TTLL7: variants seen among roughly 807,000 people sequenced by gnomAD.
TTLL7 encodes tubulin polyglutamylase TTLL7.
A neutral mutation model predicts 120.2 loss-of-function variants in TTLL7; 53 were observed. That is an observed-to-expected ratio of 0.44 (90% confidence interval 0.35 to 0.55). TTLL7 has a LOEUF of 0.55. TTLL7 is among the 20% of genes least tolerant of loss of function. The pLI, the probability that TTLL7 is intolerant of heterozygous loss-of-function variation, is 0.00. For missense variants in TTLL7, 803 were observed against 1,054.7 expected, an observed-to-expected ratio of 0.76 and a Z score of 3.31; for synonymous variants, 353 against 351.7, an observed-to-expected ratio of 1.00 and a Z score of -0.04.
At chr1:83,972,562 G>T (rs1311294161) in intron 1 of TTLL7, among the ~76,000 whole-genome samples, 2 of 152,094 alleles carry the variant, frequency 1.3e-5, no homozygotes, top group African/African-American at 2.4e-5. Context: ...ACATCCATAT[G>T]CAGGTCTGGG....
At chr1:83,948,408 G>C (rs568872188) in intron 5 of TTLL7, among the ~76,000 whole-genome samples, 1 of 152,262 alleles carries the variant, frequency 6.6e-6, no homozygotes, top group South Asian at 2.1e-4. Flanking sequence ...CAATTTGCTT[G>C]AGCTTGTGCA....
chr1:83,903,460 C>A (rs78063855), intron 18 of TTLL7, among the ~76,000 whole-genome samples: 6,265 of 151,956 alleles, frequency 0.041, 154 homozygotes, highest in Middle Eastern at 0.099. Context: ...ACAGTCATCC[C>A]TCTCCACCTG....
intron 12 of TTLL7, among the ~76,000 whole-genome samples, chr1:83,920,342 G>C (rs939393302): frequency 1.3e-5 from 2 of 152,064 alleles, no homozygotes; most frequent in African/African-American, 2.4e-5. Context: ...GATACTGCAG[G>C]AGTGTTTTTA....
At chr1:83,881,330 G>T (rs1213548796) in intron 20 of TTLL7, among the ~76,000 whole-genome samples, 1 of 149,698 alleles carries the variant, frequency 6.7e-6, no homozygotes, top group Non-Finnish European at 1.5e-5. Context: ...GAAAATTTTC[G>T]CAACCTACTC....
At chr1:83,880,194 T>C (rs1387912610) in intron 20 of TTLL7, 1 of 152,036 alleles carries the variant, frequency 6.6e-6, no homozygotes, top group Non-Finnish European at 1.5e-5. Context: ...ATAATTTGCT[T>C]CAGTGAAACC....
intron 5 of TTLL7, among the ~76,000 whole-genome samples, chr1:83,948,387 T>C (rs1347368867): frequency 6.6e-6 from 1 of 152,190 alleles, no homozygotes; most frequent in African/African-American, 2.4e-5. Context: ...CTGATCCACC[T>C]CTGCTATTAA....
chr1:83,907,502 C>T lies in TTLL7; in HGVS notation c.1946G>A (p.Arg649Lys), dbSNP rs778766626. Residue 649 changes from arginine (R) to lysine (K), a missense_variant, in exon 16 of 21, where the codon AGG (arginine) becomes AAG (lysine). This residue lies in a region of TTLL7 where 388 missense variants were observed against 450.4 expected (regional missense o/e 0.86). Transcript: ENST00000260505. Reference sequence around the variant, plus strand: ...GGCATCATTACTGTGAGGCAGATGCCTCATGTAGGAGGAAGCACGGTTTAA... The same window carrying T: ...GGCATCATTACTGTGAGGCAGATGCTTCATGTAGGAGGAAGCACGGTTTAA... ...HSLNRASSYM[R>K]HLPHSNDACS... 2 of 1,613,076 alleles carry T rather than the reference C, an allele frequency of 1.2e-6. No homozygotes were observed. The highest frequency in any genetic ancestry group is 1.7e-6 in the Non-Finnish European group (2 of 1,179,370).
intron 1 of TTLL7, among the ~76,000 whole-genome samples, chr1:83,965,902 A>C (rs1270708587): frequency 6.6e-6 from 1 of 152,112 alleles, no homozygotes; most frequent in Non-Finnish European, 1.5e-5. Flanking sequence ...ATTGGTGAGA[A>C]TGCTAACATC....
At chr1:83,986,745 C>T (rs1019549472) in intron 1 of TTLL7, among the ~76,000 whole-genome samples, 4 of 152,146 alleles carry the variant, frequency 2.6e-5, no homozygotes, top group Non-Finnish European at 5.9e-5. Context: ...GAGGCTGAGA[C>T]AGCAGAATTG....
At chr1:83,917,735 T>C (rs1413033452) in intron 13 of TTLL7, 45 bp from the exon 14 acceptor site, 5 of 1,334,706 alleles carry the variant, frequency 3.7e-6, no homozygotes, top group East Asian at 2.4e-5. Flanking sequence ...TAATGGACTC[T>C]AGAATTTTTC....
Position 83,869,342 on chromosome 1 carries a change from T to C in TTLL7, c.*620A>G, listed in dbSNP as rs906908083. The C allele has an allele frequency of 2.0e-5, 3 of 152,136 alleles. No individual in the cohort carries two copies. Among genetic ancestry groups the C allele is most frequent in the East Asian group, 3.9e-4 (2 of 5,184 alleles). 9.4% of individuals were successfully genotyped at this position (152,136 alleles called of 1,614,324 possible). On this transcript the variant is annotated 3_prime_UTR_variant, in exon 21 of 21. Coordinates refer to ENST00000260505, the MANE Select transcript of TTLL7 (RefSeq NM_024686.6). ...TACTGAAAATGTACCTTATTACAAGTAGCTAAATTTCCACATAGAGGAATA... is the reference window on the plus strand; with the variant it reads ...TACTGAAAATGTACCTTATTACAAGCAGCTAAATTTCCACATAGAGGAATA...
At chr1:83,938,121 T>A in intron 7 of TTLL7, 105 bp from the exon 8 acceptor site, 1 of 941,528 alleles carries the variant, frequency 1.1e-6, no homozygotes, top group Non-Finnish European at 1.6e-6. Flanking sequence ...TTTTAAAGTT[T>A]AAACTACATA....
intron 14 of TTLL7, 48 bp from the exon 15 acceptor site, chr1:83,911,411 T>C (rs1374565661): frequency 2.1e-6 from 3 of 1,441,948 alleles, no homozygotes; most frequent in African/African-American, 1.4e-5. Context: ...TTAAAAAAGG[T>C]TTATTGATAT....
At chr1:83,874,670 A>G (rs1457503248) in intron 20 of TTLL7, among the ~76,000 whole-genome samples, 1 of 151,996 alleles carries the variant, frequency 6.6e-6, no homozygotes, top group African/African-American at 2.4e-5. Context: ...GATAGTAGCA[A>G]TTCTAGTGGA....
rs372832774 is a variant in TTLL7 at position 83,892,469 on chromosome 1, T to A, written c.2209-1988A>T. On this transcript the variant is annotated intron_variant, in intron 18 of 20. Transcript: ENST00000260505. Reference sequence around the variant, plus strand: ...ATGAATGAACATATATGAACATATATATGAACATATGAATGAACATATATA... The same window carrying A: ...ATGAATGAACATATATGAACATATAAATGAACATATGAATGAACATATATA... Among the ~76,000 whole-genome samples, 760 of 86,768 alleles carry A rather than the reference T, an allele frequency of 8.8e-3. 11 individuals are homozygous for A. Among genetic ancestry groups the A allele is most frequent in the Middle Eastern group, 0.021 (3 of 140 alleles). The allele number at this position is 86,768 out of a possible 152,430, so 56.9% of individuals were successfully genotyped here.
At position 83,984,626 on chromosome 1, in the gene TTLL7, C is replaced by T. The variant is rs141391860; in HGVS notation, c.-177+14305G>A. On this transcript the variant is annotated intron_variant, in intron 1 of 20. Transcript: ENST00000260505. ...AATGAGATTATATCTTTTGCAGCAA[C>T]ATGGATGCAGCTGGAGGCCATTATC... is the stretch of plus-strand genomic sequence containing the variant. Among the ~76,000 whole-genome samples, 507 of 152,310 alleles carry T rather than the reference C, an allele frequency of 3.3e-3. 8 individuals carry two copies. The highest frequency in any genetic ancestry group is 0.01 in the Middle Eastern group (3 of 294).
intron 7 of TTLL7, among the ~76,000 whole-genome samples, chr1:83,939,456 T>A (rs2100835799): frequency 6.6e-6 from 1 of 152,310 alleles, no homozygotes; most frequent in Admixed American, 6.5e-5. Flanking sequence ...AGTATCTTTG[T>A]AAATGGATTG....
intron 19 of TTLL7, among the ~76,000 whole-genome samples, chr1:83,887,662 G>A (rs1200458256): frequency 2.0e-5 from 3 of 152,086 alleles, no homozygotes; most frequent in African/African-American, 7.2e-5. Flanking sequence ...TGGACTTGCA[G>A]TAAAACAAGC....
At chr1:83,876,224 A>G (rs1321634400) in intron 20 of TTLL7, among the ~76,000 whole-genome samples, 1 of 151,896 alleles carries the variant, frequency 6.6e-6, no homozygotes. Context: ...TCATAAATCA[A>G]GTCTCCAGGT....
Sources: gnomAD v4.1 joint callset for allele counts (sites outside exome capture counted in the v4.1 genomes callset) on GRCh38, gnomAD v4.1.1 for gene constraint, gnomAD v4.1.1 regional missense constraint, MANE v1.5 for transcripts, NCBI Gene and HGNC (gene_info 2026-07-23, HGNC 2026-07-21) for gene names.